FANCL: variants seen among roughly 807,000 people sequenced by gnomAD.
FANCL encodes FA complementation group L, also known as E3 ubiquitin-protein ligase FANCL.
FANCL carries 69 observed loss-of-function variants against 59.4 expected under a neutral mutation model. That is an observed-to-expected ratio of 1.16 (90% CI 0.96 to 1.42). The LOEUF (loss-of-function observed/expected upper bound fraction) is 1.42, where lower values mean the gene tolerates loss of function less well. Among genes scored for constraint, FANCL ranks in the 40% most tolerant of loss-of-function variants. The pLI is 0.00. For synonymous variants in FANCL, 180 were observed against 147.1 expected (o/e 1.22, Z -1.62); for missense variants, 519 against 447.2 (o/e 1.16, Z -1.45).
rs192124283 is a variant in FANCL at position 58,187,371 on chromosome 2, C to T, written c.540+11223G>A. On this transcript the variant is annotated intron_variant, in intron 7 of 13. Coordinates refer to ENST00000233741, the MANE Select transcript of FANCL (RefSeq NM_018062.4). ...GTAGGTGAGAACTGAACAATGAGAA[C>T]ACTTGGACACAGGGCAAGGAACATC... Among the ~76,000 whole-genome samples, 15 of 141,534 alleles carry T rather than the reference C, an allele frequency of 1.1e-4. No individual in the cohort carries two copies. The East Asian group carries it at 3.0e-3, about 28-fold the overall frequency. 92.9% of individuals were successfully genotyped at this position (141,534 alleles called of 152,430 possible).
At chr2:58,214,308 TAATACAAAG>T (rs1360950051) in intron 5 of FANCL, among the ~76,000 whole-genome samples, 3 of 152,200 alleles carry the variant, frequency 2.0e-5, no homozygotes, top group Non-Finnish European at 4.4e-5. Context: ...ACAATGGGTA[TAATACAAAG>T]CAAAAGACAA....
At chr2:58,203,026 TA>T (rs138392448) in intron 6 of FANCL, among the ~76,000 whole-genome samples, 21,169 of 133,884 alleles carry the variant, frequency 0.16, 2,597 homozygotes, top group African/African-American at 0.37. Flanking sequence ...AAATTTCTCT[TA>T]AAAAAAAAAA....
chr2:58,196,516 T>C (rs1231269949), intron 7 of FANCL, among the ~76,000 whole-genome samples: 1 of 151,906 alleles, frequency 6.6e-6, no homozygotes. Flanking sequence ...TATGACCCAA[T>C]TAAACCTGAA....
At chr2:58,159,974 A>T in intron 13 of FANCL, 134 bp downstream of exon 13, 1 of 1,530,484 alleles carries the variant, frequency 6.5e-7, no homozygotes, top group Non-Finnish European at 8.8e-7. Context: ...TGATCAGAGA[A>T]TTTGAAAAAT....
rs759745363 is a variant in FANCL, at chr2:58,241,319, G to C, written c.-6C>G. 7 of 1,613,702 alleles carry C rather than the reference G, an allele frequency of 4.3e-6. No individual in the cohort carries two copies. Among genetic ancestry groups the C allele is most frequent in the Admixed American group, 1.7e-5 (1 of 60,004 alleles). ...CTCGCTTCCGTCACCGCCATGGCTCGAAGTCCGGAGAAACACAGAAAAGCT... is the reference window on the plus strand; with the variant it reads ...CTCGCTTCCGTCACCGCCATGGCTCCAAGTCCGGAGAAACACAGAAAAGCT... On this transcript the variant is annotated 5_prime_UTR_variant, in exon 1 of 14. Coordinates refer to ENST00000233741, the MANE Select transcript of FANCL (RefSeq NM_018062.4).
chr2:58,176,929 T>G (rs201404515), intron 7 of FANCL, among the ~76,000 whole-genome samples: 5,226 of 151,204 alleles, frequency 0.035, 105 homozygotes, highest in East Asian at 0.089. Flanking sequence ...CAAACAAATT[T>G]ACAAGAAAAA....
At chr2:58,191,619 C>T (rs546130688) in intron 7 of FANCL, among the ~76,000 whole-genome samples, 11 of 151,830 alleles carry the variant, frequency 7.2e-5, no homozygotes, top group African/African-American at 2.4e-4. Flanking sequence ...GTTTACTGCA[C>T]GTAAATAAAA....
chr2:58,186,682 T>C lies in FANCL; in HGVS notation c.540+11912A>G, dbSNP rs561066251. ...AGTCTCTCACACTTACAGGTGTAGA[T>C]ATGTATGTATGCCTTGTGGCTTCCA... is the stretch of plus-strand genomic sequence containing the variant. On this transcript the variant is annotated intron_variant, in intron 7 of 13. Coordinates refer to ENST00000233741, the MANE Select transcript of FANCL (RefSeq NM_018062.4). 4.4e-4 allele frequency among the ~76,000 whole-genome samples: 67 copies of C among 152,282 alleles called. No individual in the cohort carries two copies. The South Asian group carries it at 8.9e-3, about 20-fold the overall frequency.
At chr2:58,180,784 C>T (rs1181566315) in intron 7 of FANCL, among the ~76,000 whole-genome samples, 1 of 151,946 alleles carries the variant, frequency 6.6e-6, no homozygotes, top group East Asian at 1.9e-4. Context: ...CTCACCAGAG[C>T]TACTGTGCCA....
At chr2:58,197,558 G>GT (rs1689553375) in intron 7 of FANCL, among the ~76,000 whole-genome samples, 1 of 152,116 alleles carries the variant, frequency 6.6e-6, no homozygotes, top group East Asian at 1.9e-4. Context: ...AATGGTGATA[G>GT]TACTACCGAT....
intron 7 of FANCL, among the ~76,000 whole-genome samples, chr2:58,192,236 T>C (rs938430956): frequency 1.3e-5 from 2 of 151,950 alleles, no homozygotes; most frequent in Non-Finnish European, 2.9e-5. Context: ...AGATCTCAAA[T>C]CTTCTACAAA....
intron 7 of FANCL, among the ~76,000 whole-genome samples, chr2:58,189,109 G>A (rs950342043): frequency 5.9e-5 from 9 of 152,130 alleles, no homozygotes; most frequent in African/African-American, 1.9e-4. Context: ...GGTTGAGAAG[G>A]ACTAAAGGGA....
In FANCL at chr2:58,165,826, G is replaced by A. The variant is rs779745877; in HGVS notation, c.589C>T (p.Leu197=). ...YSQFLAAIES[L]KAFWDVMDEI... ...TCCATAACATCCCAGAATGCCTTTAGTGATTCTATTGCTGCCAAAAACTGA... is the reference window on the plus strand; with the variant it reads ...TCCATAACATCCCAGAATGCCTTTAATGATTCTATTGCTGCCAAAAACTGA... Residue 197 remains leucine, a synonymous_variant, in exon 8 of 14, where the codon CTA becomes TTA. Coordinates refer to ENST00000233741, the MANE Select transcript of FANCL (RefSeq NM_018062.4). 7 of 1,613,992 alleles carry A rather than the reference G, an allele frequency of 4.3e-6. No homozygotes were observed. In the East Asian group the frequency reaches 8.9e-5, roughly 21 times the overall value.
At chr2:58,188,390 G>A (rs1041176517) in intron 7 of FANCL, among the ~76,000 whole-genome samples, 1 of 151,870 alleles carries the variant, frequency 6.6e-6, no homozygotes, top group Non-Finnish European at 1.5e-5. Context: ...GACCTTTGCA[G>A]CCTTTGCACA....
At chr2:58,187,178 A>G (rs575727243) in intron 7 of FANCL, among the ~76,000 whole-genome samples, 3 of 152,290 alleles carry the variant, frequency 2.0e-5, no homozygotes, top group East Asian at 1.9e-4. Context: ...ATGTCCATCA[A>G]TGATAGACTG....
rs547609561 is a variant in FANCL at position 58,192,640 on chromosome 2, G to T, written c.540+5954C>A. 5.8e-4 allele frequency among the ~76,000 whole-genome samples: 88 copies of T among 151,992 alleles called. 1 individual carries two copies. Among genetic ancestry groups the T allele is most frequent in the Non-Finnish European group, 1.0e-4 (7 of 67,818 alleles). On this transcript the variant is annotated intron_variant, in intron 7 of 13. Transcript: ENST00000233741. ...ATTACAATATAGTTATTTGGGGAAA[G>T]CAGGAAGATAGGATGGAGTGAGGGT...
At position 58,207,883 on chromosome 2, in the gene FANCL, C is replaced by G. The variant is rs571490062; in HGVS notation, c.375-3657G>C. Among the ~76,000 whole-genome samples the G allele has an allele frequency of 9.8e-4, 149 of 152,190 alleles. 1 individual carries two copies. The highest frequency in any genetic ancestry group is 3.4e-3 in the African/African-American group (143 of 41,524). ...ACCAGCCTGGGCGACACAGTGAGAC[C>G]TCATCTTTACAAAAATCTTTTTAAA... On this transcript the variant is annotated intron_variant, in intron 5 of 13. Transcript: ENST00000233741.
At position 58,229,674 on chromosome 2, in the gene FANCL, A is replaced by C. The variant is rs1215842882; in HGVS notation, c.216+140T>G. 4.4e-6 allele frequency: 3 copies of C among 677,916 alleles called. No homozygotes were observed. In the African/African-American group the frequency reaches 5.4e-5, roughly 12 times the overall value. 42.0% of individuals were successfully genotyped at this position (677,916 alleles called of 1,614,324 possible). A position where few individuals can be genotyped will look rare whatever the true frequency, so the allele number is the denominator to read the frequency against. On this transcript the variant is annotated intron_variant, in intron 3 of 13. Transcript: ENST00000233741. ...CCTGAGGACACTGAGATTTAAAAAC[A>C]CACAGAGATGAAACCTACAAAACTT... is the stretch of plus-strand genomic sequence containing the variant.
chr2:58,161,430 T>C, intron 12 of FANCL, 92 bp downstream of exon 12: 1 of 856,530 alleles, frequency 1.2e-6, no homozygotes, highest in South Asian at 1.3e-5. Context: ...CACTATTGAC[T>C]CAACAGATTT....
Sources: gnomAD v4.1 joint callset for allele counts (sites outside exome capture counted in the v4.1 genomes callset) on GRCh38, gnomAD v4.1.1 for gene constraint, MANE v1.5 for transcripts, NCBI Gene and HGNC (gene_info 2026-07-23, HGNC 2026-07-21) for gene names.